Variants in AGBL1 observed in about 807,000 individuals in gnomAD.
AGBL1 encodes AGBL carboxypeptidase 1, also known as cytosolic carboxypeptidase 4.
Under a neutral mutation model 118.9 loss-of-function variants are expected in AGBL1, and 130 were observed. The observed-to-expected ratio is 1.09, with a 90% CI of 0.95 to 1.26. The LOEUF (loss-of-function observed/expected upper bound fraction) is 1.26, where lower values mean the gene tolerates loss of function less well. Among genes scored for constraint, AGBL1 ranks in the 50% most tolerant of loss-of-function variants. The probability of loss-of-function intolerance (pLI) is 0.00; values close to 1 mark genes in which losing one functional copy is unlikely to be tolerated. For synonymous variants in AGBL1, 555 were observed against 478.9 expected, an observed-to-expected ratio of 1.16 and a Z score of -2.08; for missense variants, 1,584 against 1,298.1, an observed-to-expected ratio of 1.22 and a Z score of -3.38.
At chr15:86,225,033 CT>C (rs35578252) in intron 6 of AGBL1, 82 bp downstream of exon 6, 146,343 of 989,726 alleles carry the variant, frequency 0.15, 7 homozygotes, top group Middle Eastern at 0.22. Flanking sequence ...ATGGCTGTTT[CT>C]TTTTTTTTTT....
At position 86,907,373 on chromosome 15, in the gene AGBL1, G is replaced by GAC. The variant is rs1383037856; in HGVS notation, c.*87_*88dup. On this transcript the variant is annotated 3_prime_UTR_variant, in exon 23 of 23. Coordinates refer to ENST00000614907, the MANE Select transcript of AGBL1 (RefSeq NM_001386094.1). ...CTGTGTTGCTGCTTCTTCATCATCA[G>GAC]ACACACACAATGTATATGTCAGTGC... 2 of 152,184 alleles carry GAC rather than the reference G, an allele frequency of 1.3e-5. No individual in the cohort carries two copies. The highest frequency in any genetic ancestry group is 2.4e-5 in the African/African-American group (1 of 41,444). 9.4% of individuals were successfully genotyped at this position (152,184 alleles called of 1,614,324 possible). A position where few individuals can be genotyped will look rare whatever the true frequency, so the allele number is the denominator to read the frequency against.
intron 21 of AGBL1, among the ~76,000 whole-genome samples, chr15:86,632,274 T>TCAAAAAAAA (rs2084984289): frequency 8.0e-6 from 1 of 125,280 alleles, no homozygotes; most frequent in Non-Finnish European, 1.6e-5. Context: ...TCTTTCTCTT[T>TCAAAAAAAA]AAAAAAAAAA....
intron 22 of AGBL1, among the ~76,000 whole-genome samples, chr15:86,692,535 G>T (rs920243408): frequency 6.6e-6 from 1 of 152,088 alleles, no homozygotes; most frequent in Non-Finnish European, 1.5e-5. Context: ...TTCGCAAGGA[G>T]GGAGGTTGAG....
intron 9 of AGBL1, among the ~76,000 whole-genome samples, chr15:86,259,939 G>A (rs753734425): frequency 3.3e-5 from 5 of 152,214 alleles, no homozygotes; most frequent in Non-Finnish European, 5.9e-5. Flanking sequence ...CTTGGCCCAC[G>A]CTTTGCAGAG....
At chr15:86,805,161 A>AT (rs1466256355) in intron 22 of AGBL1, among the ~76,000 whole-genome samples, 3 of 150,980 alleles carry the variant, frequency 2.0e-5, no homozygotes, top group Non-Finnish European at 4.4e-5. Flanking sequence ...TCAATCCATT[A>AT]TTTTTTCAAG....
intron 23 of AGBL1, among the ~76,000 whole-genome samples, chr15:86,948,126 G>A (rs1477007042): frequency 1.3e-5 from 2 of 152,266 alleles, no homozygotes; most frequent in East Asian, 3.9e-4. Context: ...CCATGAGTTA[G>A]CATGTGCAGT....
intron 23 of AGBL1, among the ~76,000 whole-genome samples, chr15:86,986,811 G>A (rs548203984): frequency 2.2e-4 from 34 of 152,146 alleles, no homozygotes; most frequent in South Asian, 1.0e-3. Context: ...TTTCACTCGC[G>A]TCCATGTGAA....
chr15:86,482,396 T>C (rs1461586293), intron 18 of AGBL1, among the ~76,000 whole-genome samples: 1 of 152,164 alleles, frequency 6.6e-6, no homozygotes, highest in Non-Finnish European at 1.5e-5. Context: ...GGAGTGTAGC[T>C]GCAGATGCCA....
In AGBL1 at chr15:86,267,997, G is replaced by A. The variant is rs141612928; in HGVS notation, c.1838+921G>A. On this transcript the variant is annotated intron_variant, in intron 13 of 22. Transcript: ENST00000614907. ...CACTCACAAAATGAGAACAATAATC[G>A]CACCTACTACTTTGGGATTTCATGA... Among the ~76,000 whole-genome samples, 501 of 152,184 alleles carry A rather than the reference G, an allele frequency of 3.3e-3. 4 individuals carry two copies. Among genetic ancestry groups the A allele is most frequent in the East Asian group, 0.011 (58 of 5,178 alleles).
chr15:86,726,867 C>T (rs2142737939), intron 22 of AGBL1, among the ~76,000 whole-genome samples: 3 of 152,244 alleles, frequency 2.0e-5, no homozygotes, highest in South Asian at 2.1e-4. Context: ...TACTATGTAT[C>T]ATCATTATCA....
At chr15:86,290,343 C>CTTTTTTTTTTTTTT (rs559169172) in intron 16 of AGBL1, among the ~76,000 whole-genome samples, 4 of 134,346 alleles carry the variant, frequency 3.0e-5, no homozygotes, top group African/African-American at 8.3e-5. Flanking sequence ...TCTTTTCTTT[C>CTTTTTTTTTTTTTT]TTTTTTTTTT....
chr15:86,371,778 G>C (rs2080974258), intron 17 of AGBL1, among the ~76,000 whole-genome samples: 2 of 152,122 alleles, frequency 1.3e-5, no homozygotes. Context: ...GGTGTGGTGA[G>C]GGGAAAGGCT....
chr15:86,288,310 C>A (rs1324453544), intron 16 of AGBL1, among the ~76,000 whole-genome samples: 1 of 152,062 alleles, frequency 6.6e-6, no homozygotes, highest in Non-Finnish European at 1.5e-5. Context: ...TTTCCTTTTC[C>A]AGGATGACTT....
chr15:86,184,673 A>G (rs1212325172), intron 5 of AGBL1, among the ~76,000 whole-genome samples: 1 of 150,568 alleles, frequency 6.6e-6, no homozygotes, highest in Non-Finnish European at 1.5e-5. Context: ...CATTTCTTTT[A>G]CTCCTTTTTC....
At chr15:86,979,509 G>A (rs1484634660) in intron 23 of AGBL1, among the ~76,000 whole-genome samples, 1 of 151,820 alleles carries the variant, frequency 6.6e-6, no homozygotes, top group African/African-American at 2.4e-5. Context: ...GCGGGGGGGA[G>A]ATGGTGTCTC....
chr15:86,638,527 G>C (rs551905217), intron 21 of AGBL1, among the ~76,000 whole-genome samples: 3 of 152,208 alleles, frequency 2.0e-5, no homozygotes, highest in African/African-American at 7.2e-5. Context: ...TGGGGTCTTT[G>C]GACTTGGTGG....
chr15:86,454,002 A>G (rs1467864966), intron 18 of AGBL1, among the ~76,000 whole-genome samples: 1 of 151,826 alleles, frequency 6.6e-6, no homozygotes, highest in East Asian at 1.9e-4. Flanking sequence ...GCTATTTTTT[A>G]CTCTTTCTTG....
At chr15:86,891,936 A>G (rs1034401254) in intron 22 of AGBL1, among the ~76,000 whole-genome samples, 6 of 152,190 alleles carry the variant, frequency 3.9e-5, no homozygotes, top group Admixed American at 1.3e-4. Context: ...TGAAACATCA[A>G]TGGGCCACTC....
At chr15:86,216,239 T>C (rs1451455562) in intron 5 of AGBL1, among the ~76,000 whole-genome samples, 1 of 151,898 alleles carries the variant, frequency 6.6e-6, no homozygotes, top group Non-Finnish European at 1.5e-5. Context: ...CATTTATTTA[T>C]TTATTTATTT....
Sources: gnomAD v4.1 joint callset for allele counts (sites outside exome capture counted in the v4.1 genomes callset) on GRCh38, gnomAD v4.1.1 for gene constraint, MANE v1.5 for transcripts, NCBI Gene and HGNC (gene_info 2026-07-23, HGNC 2026-07-21) for gene names.